GPR176: variants seen among roughly 807,000 people sequenced by gnomAD.
GPR176 encodes the protein G-protein coupled receptor 176.
Under a neutral mutation model 35.4 loss-of-function variants are expected in GPR176, and 26 were observed. That is an observed-to-expected ratio of 0.74 (90% CI 0.54 to 1.02). GPR176 has a LOEUF of 1.02. Ranked by LOEUF, GPR176 falls within the 50% of genes least tolerant of loss-of-function variation. The probability of loss-of-function intolerance (pLI) is 0.00; values close to 1 mark genes in which losing one functional copy is unlikely to be tolerated. For synonymous variants in GPR176, 278 were observed against 271.3 expected (o/e 1.02, Z -0.24); for missense variants, 597 against 665.3 (o/e 0.90, Z 1.13).
intron 1 of GPR176, among the ~76,000 whole-genome samples, chr15:39,812,597 G>A (rs562710410): frequency 1.3e-5 from 2 of 152,142 alleles, no homozygotes; most frequent in East Asian, 1.9e-4. Flanking sequence ...GCTTGCAGAC[G>A]GCCTACTGTG....
chr15:39,878,462 C>G (rs2032343295), intron 1 of GPR176, among the ~76,000 whole-genome samples: 3 of 119,530 alleles, frequency 2.5e-5, no homozygotes, highest in Admixed American at 9.4e-5. Context: ...TCCTTGTGAC[C>G]AAATAATATT....
intron 1 of GPR176, among the ~76,000 whole-genome samples, chr15:39,845,826 C>G (rs1365134681): frequency 6.6e-6 from 1 of 152,116 alleles, no homozygotes; most frequent in Non-Finnish European, 1.5e-5. Flanking sequence ...AACTTTGTGC[C>G]TACATCCTGA....
chr15:39,851,365 C>T (rs2140809054), intron 1 of GPR176, among the ~76,000 whole-genome samples: 1 of 152,230 alleles, frequency 6.6e-6, no homozygotes, highest in East Asian at 1.9e-4. Context: ...TCAATTCCAT[C>T]ATTTTTTCAA....
At chr15:39,863,641 A>C (rs1274299520) in intron 1 of GPR176, among the ~76,000 whole-genome samples, 1 of 152,166 alleles carries the variant, frequency 6.6e-6, no homozygotes, top group East Asian at 1.9e-4. Context: ...CTGGGCCTTC[A>C]CACTCACCAA....
At chr15:39,895,234 G>GGGGAGA (rs1162207912) in intron 1 of GPR176, among the ~76,000 whole-genome samples, 2 of 143,318 alleles carry the variant, frequency 1.4e-5, no homozygotes, top group East Asian at 4.2e-4. Flanking sequence ...GGGAGACCGT[G>GGGGAGA]GGGAGAGGGA....
At chr15:39,814,194 G>A (rs1899748818) in intron 1 of GPR176, among the ~76,000 whole-genome samples, 1 of 152,030 alleles carries the variant, frequency 6.6e-6, no homozygotes, top group African/African-American at 2.4e-5. Context: ...ATTTTATCCT[G>A]CCTCTTTCTC....
intron 1 of GPR176, among the ~76,000 whole-genome samples, chr15:39,833,193 T>C (rs1266744748): frequency 6.6e-6 from 1 of 152,036 alleles, no homozygotes; most frequent in African/African-American, 2.4e-5. Flanking sequence ...ACATAGAAAC[T>C]TGTACAAAAA....
Position 39,807,238 on chromosome 15 carries a change from A to G in GPR176, c.193T>C (p.Ser65Pro), listed in dbSNP as rs1899252860. The change falls in exon 2 of 3, where the codon TCA (serine) becomes CCA (proline). Residue 65 changes from serine to proline, a missense_variant. Ser to Pro is a moderately conservative substitution (Grantham distance 74). Coordinates refer to ENST00000561100, the MANE Select transcript of GPR176 (RefSeq NM_007223.3). ...TTGAACACGGTTGTGCGGCAAGTTGACCATAACACCATGAAGTTTCCTGGT... is the reference window on the plus strand; with the variant it reads ...TTGAACACGGTTGTGCGGCAAGTTGGCCATAACACCATGAAGTTTCCTGGT... ...SLLGNFMVLW[S>P]TCRTTVFKSV... 2 of 1,582,810 alleles carry G rather than the reference A, an allele frequency of 1.3e-6. No individual in the cohort carries two copies. The highest frequency in any genetic ancestry group is 4.5e-5 in the East Asian group (2 of 44,284).
intron 1 of GPR176, among the ~76,000 whole-genome samples, chr15:39,919,407 A>G (rs2033813468): frequency 6.6e-6 from 1 of 152,208 alleles, no homozygotes. Context: ...TATCAAAATA[A>G]TTGTATATAT....
At chr15:39,901,235 C>T (rs2033267668) in intron 1 of GPR176, among the ~76,000 whole-genome samples, 1 of 152,022 alleles carries the variant, frequency 6.6e-6, no homozygotes, top group African/African-American at 2.4e-5. Flanking sequence ...ATAGAACTCC[C>T]CTCCTGCCTT....
At chr15:39,822,249 C>G (rs565608932) in intron 1 of GPR176, among the ~76,000 whole-genome samples, 71 of 152,196 alleles carry the variant, frequency 4.7e-4, no homozygotes, top group Middle Eastern at 3.2e-3. Flanking sequence ...AATTCCTGAT[C>G]TACAGAAATT....
At chr15:39,866,910 G>A (rs571287127) in intron 1 of GPR176, among the ~76,000 whole-genome samples, 1 of 152,104 alleles carries the variant, frequency 6.6e-6, no homozygotes, top group African/African-American at 2.4e-5. Context: ...AGTGAGTAGT[G>A]GTGCCCGTGT....
rs891283660 is a variant in GPR176, at chr15:39,920,097, G to T, written c.-71C>A. The T allele has an allele frequency of 8.4e-6, 9 of 1,070,724 alleles. No homozygotes were observed. The highest frequency in any genetic ancestry group is 3.2e-5 in the South Asian group (1 of 30,860). 66.3% of individuals were successfully genotyped at this position (1,070,724 alleles called of 1,614,324 possible). ...CCGCGCGGAGCCTCTCCTCCTCCGG[G>T]TGAGGAGGGACGCGCGGGCGCCTGG... is the stretch of plus-strand genomic sequence containing the variant. On this transcript the variant is annotated 5_prime_UTR_variant, in exon 1 of 3. Transcript: ENST00000561100.
At chr15:39,806,168 A>C (rs1024732290) in intron 2 of GPR176, among the ~76,000 whole-genome samples, 4 of 152,364 alleles carry the variant, frequency 2.6e-5, no homozygotes, top group South Asian at 4.1e-4. Context: ...TCTAAAATGT[A>C]GTTAAATTTT....
chr15:39,869,152 T>TAAAAAAAAAAAAAAAAAAAA (rs66463189), intron 1 of GPR176, among the ~76,000 whole-genome samples: 2 of 130,026 alleles, frequency 1.5e-5, no homozygotes, highest in African/African-American at 2.9e-5. Flanking sequence ...AACTGCTTTT[T>TAAAAAAAAAAAAAAAAAAAA]AAAAAAAAAA....
chr15:39,889,608 T>TAAAATAAAATAAAAC (rs1369801259), intron 1 of GPR176, among the ~76,000 whole-genome samples: 145 of 136,520 alleles, frequency 1.1e-3, no homozygotes, highest in South Asian at 2.7e-3. Flanking sequence ...TAAAATAAAA[T>TAAAATAAAATAAAAC]AAAACAAAAC....
chr15:39,892,312 T>C (rs1330964358), intron 1 of GPR176, among the ~76,000 whole-genome samples: 1 of 152,000 alleles, frequency 6.6e-6, no homozygotes, highest in Non-Finnish European at 1.5e-5. Flanking sequence ...CCAAATACAG[T>C]AGGCATGGGA....
chr15:39,856,853 C>T (rs1235221398), intron 1 of GPR176, among the ~76,000 whole-genome samples: 1 of 152,140 alleles, frequency 6.6e-6, no homozygotes, highest in Admixed American at 6.5e-5. Flanking sequence ...GTTAGATCTG[C>T]AATATCTAGT....
chr15:39,851,293 T>C (rs2030849049), intron 1 of GPR176, among the ~76,000 whole-genome samples: 1 of 152,178 alleles, frequency 6.6e-6, no homozygotes, highest in Non-Finnish European at 1.5e-5. Flanking sequence ...GAATAAAATC[T>C]ATGAAGAAAA....
Sources: allele counts gnomAD v4.1 joint callset (sites outside exome capture counted in the v4.1 genomes callset), GRCh38; gene constraint gnomAD v4.1.1; transcripts MANE v1.5; gene names NCBI Gene and HGNC (gene_info 2026-07-23, HGNC 2026-07-21).